ATP10A: variants seen among roughly 807,000 people sequenced by gnomAD.
The protein encoded by ATP10A is ATPase phospholipid transporting 10A (putative).
Under a neutral mutation model 147.8 loss-of-function variants are expected in ATP10A, and 111 were observed. That is an observed-to-expected ratio of 0.75 (90% CI 0.64 to 0.88). The LOEUF (loss-of-function observed/expected upper bound fraction) is 0.88. ATP10A is among the 40% of genes least tolerant of loss of function. ATP10A has a pLI of 0.00. For synonymous variants in ATP10A, 875 were observed against 841.6 expected (o/e 1.04, Z -0.69); for missense variants, 1,927 against 1,959.0 (o/e 0.98, Z 0.31).
intron 1 of ATP10A, among the ~76,000 whole-genome samples, chr15:25,823,581 G>C (rs957172399): frequency 2.0e-5 from 3 of 152,132 alleles, no homozygotes; most frequent in Admixed American, 1.3e-4. Flanking sequence ...GGACCAAATT[G>C]TTTCTAAATA....
At chr15:25,860,025 C>T (rs971076165) in intron 1 of ATP10A, among the ~76,000 whole-genome samples, 3 of 152,144 alleles carry the variant, frequency 2.0e-5, no homozygotes, top group Admixed American at 6.5e-5. Flanking sequence ...AGTTCACAGT[C>T]GTGCGTCTGG....
At chr15:25,783,485 C>CCG (rs1555469245) in intron 1 of ATP10A, among the ~76,000 whole-genome samples, 2 of 151,730 alleles carry the variant, frequency 1.3e-5, no homozygotes, top group African/African-American at 4.8e-5. Context: ...GGACCCCCCC[C>CCG]TGGCAAAGTT....
chr15:25,745,695 G>C (rs1278313657), intron 2 of ATP10A, among the ~76,000 whole-genome samples: 2 of 152,164 alleles, frequency 1.3e-5, no homozygotes, highest in East Asian at 3.8e-4. Context: ...TAATGTCTTT[G>C]GCAATTCATA....
chr15:25,783,709 C>G (rs188258371), intron 1 of ATP10A, among the ~76,000 whole-genome samples: 67 of 152,362 alleles, frequency 4.4e-4, no homozygotes, highest in South Asian at 1.0e-3. Context: ...AAGCTATCAC[C>G]GCTAGAGAGC....
intron 1 of ATP10A, among the ~76,000 whole-genome samples, chr15:25,816,688 G>A (rs968766835): frequency 2.6e-5 from 4 of 151,936 alleles, no homozygotes; most frequent in African/African-American, 7.3e-5. Context: ...ATTCTGAGAC[G>A]GTATGATATT....
intron 1 of ATP10A, among the ~76,000 whole-genome samples, chr15:25,794,562 AC>A (rs1890576512): frequency 6.6e-6 from 1 of 152,152 alleles, no homozygotes; most frequent in African/African-American, 2.4e-5. Context: ...ATCAAAATAT[AC>A]CATGGAGACA....
chr15:25,786,758 T>C (rs1337065260), intron 1 of ATP10A, among the ~76,000 whole-genome samples: 1 of 148,046 alleles, frequency 6.8e-6, no homozygotes, highest in East Asian at 2.0e-4. Context: ...TCCGAGTAGC[T>C]GGGACTACAG....
At chr15:25,727,361 T>G in intron 3 of ATP10A, 95 bp from the exon 4 acceptor site, 1 of 1,141,124 alleles carries the variant, frequency 8.8e-7, no homozygotes, top group East Asian at 2.4e-5. Flanking sequence ...CCTGACACAA[T>G]GAAAGCTTGG....
chr15:25,694,537 G>C (rs7165916), intron 14 of ATP10A, among the ~76,000 whole-genome samples: 121,725 of 152,194 alleles, frequency 0.8, 48,888 homozygotes, highest in South Asian at 0.88. Context: ...TCTCTTGTGT[G>C]CTGTCTCCTG....
chr15:25,679,743 G>A lies in ATP10A; in HGVS notation c.4098C>T (p.Ala1366=). ...TGTCCACTGTGCTGGGCTCCCCGCT[G>A]GCCTCCAGGGAGCAGACCGGCTGCT... ...HTQQPVCSLE[A]SGEPSTVDMS... Residue 1366 remains alanine (A), a synonymous_variant, in exon 21 of 21, where the codon GCC becomes GCT. Coordinates refer to ENST00000555815, the MANE Select transcript of ATP10A (RefSeq NM_024490.4). The A allele has an allele frequency of 6.2e-7, 1 of 1,613,416 alleles. No individual in the cohort carries two copies.
intron 13 of ATP10A, 115 bp from the exon 14 acceptor site, chr15:25,695,261 C>A: frequency 1.0e-6 from 1 of 971,178 alleles, no homozygotes; most frequent in Non-Finnish European, 1.5e-6. Context: ...CTGCAGTACC[C>A]GCCTGCCCAG....
At chr15:25,841,797 T>C (rs1266146597) in intron 1 of ATP10A, 1 of 152,226 alleles carries the variant, frequency 6.6e-6, no homozygotes, top group Non-Finnish European at 1.5e-5. Flanking sequence ...TATGTAAGTA[T>C]TTTATTTTCT....
intron 1 of ATP10A, among the ~76,000 whole-genome samples, chr15:25,795,416 C>T (rs542852848): frequency 6.6e-6 from 1 of 151,900 alleles, no homozygotes; most frequent in African/African-American, 2.4e-5. Flanking sequence ...GAGTGACAGC[C>T]TCTTCCCTAC....
At chr15:25,736,232 AG>A (rs1347432096) in intron 2 of ATP10A, 91 bp from the exon 3 acceptor site, 15 of 1,016,972 alleles carry the variant, frequency 1.5e-5, no homozygotes, top group Non-Finnish European at 2.3e-5. Flanking sequence ...CATCCGCGGC[AG>A]GCACATTTCA....
chr15:25,752,337 G>A (rs946002524), intron 2 of ATP10A, among the ~76,000 whole-genome samples: 14 of 152,162 alleles, frequency 9.2e-5, no homozygotes, highest in Admixed American at 6.5e-5. Context: ...AGGAAATTCT[G>A]TCATTTGCAA....
At position 25,777,096 on chromosome 15, in the gene ATP10A, C is replaced by CGTGTGTGTGTGT. The variant is rs34174555; in HGVS notation, c.654+3911_654+3922dup. Among the ~76,000 whole-genome samples the CGTGTGTGTGTGT allele has an allele frequency of 6.2e-3, 922 of 149,750 alleles. 6 individuals are homozygous for CGTGTGTGTGTGT. The highest frequency in any genetic ancestry group is 0.012 in the African/African-American group (475 of 40,828). ...GTGCATGCGTGTGTGTGCATACGTGCGTGTGTGTGTGTGTGTGTGTGTACC... is the reference window on the plus strand; with the variant it reads ...GTGCATGCGTGTGTGTGCATACGTGCGTGTGTGTGTGTGTGTGTGTGTGTGTGTGTGTGTACC... On this transcript the variant is annotated intron_variant, in intron 2 of 20. Transcript: ENST00000555815.
chr15:25,780,267 G>A (rs531318952), intron 2 of ATP10A, among the ~76,000 whole-genome samples: 1 of 152,364 alleles, frequency 6.6e-6, no homozygotes, highest in African/African-American at 2.4e-5. Context: ...CACCCTTCAG[G>A]GCAGGCCGAC....
intron 2 of ATP10A, among the ~76,000 whole-genome samples, chr15:25,740,774 T>C (rs556048963): frequency 5.9e-5 from 9 of 152,314 alleles, no homozygotes; most frequent in African/African-American, 2.2e-4. Context: ...CCCCGTCTGA[T>C]CACAGAAGTT....
chr15:25,819,177 C>T (rs746550953), intron 1 of ATP10A, among the ~76,000 whole-genome samples: 13 of 151,992 alleles, frequency 8.6e-5, no homozygotes, highest in Non-Finnish European at 7.4e-5. Flanking sequence ...CAAACTATGC[C>T]GCTGACAGGG....
Sources: gnomAD v4.1 joint callset for allele counts (sites outside exome capture counted in the v4.1 genomes callset) on GRCh38, gnomAD v4.1.1 for gene constraint, MANE v1.5 for transcripts, NCBI Gene and HGNC (gene_info 2026-07-23, HGNC 2026-07-21) for gene names.